The following ETV6 variants were observed in gnomAD, a reference collection of about 807,000 sequenced individuals.
ETV6 encodes ETS variant transcription factor 6, also known as transcription factor ETV6.
In ETV6, 16 loss-of-function variants were observed where a neutral mutation model predicts 51.1. That is an observed-to-expected ratio of 0.31 (90% CI 0.21 to 0.48). The LOEUF (loss-of-function observed/expected upper bound fraction) is 0.48. Among genes scored for constraint, ETV6 ranks in the 20% least tolerant of loss-of-function variants. The pLI is 0.99. For synonymous variants in ETV6, 240 were observed against 224.1 expected (o/e 1.07, Z -0.64); for missense variants, 458 against 594.8 (o/e 0.77, Z 2.39).
intron 3 of ETV6, among the ~76,000 whole-genome samples, chr12:11,847,304 G>A (rs1358195797): frequency 1.3e-5 from 2 of 152,190 alleles, no homozygotes; most frequent in Non-Finnish European, 2.9e-5. Flanking sequence ...TTTGTGTTAG[G>A]CACATCAAAT....
intron 1 of ETV6, among the ~76,000 whole-genome samples, chr12:11,650,540 C>T (rs1289375804): frequency 7.8e-6 from 1 of 128,908 alleles, no homozygotes; most frequent in Non-Finnish European, 1.6e-5. Flanking sequence ...CTACACCCAA[C>T]ATGTGACTGA....
At chr12:11,870,206 C>T (rs1008490376) in intron 5 of ETV6, among the ~76,000 whole-genome samples, 9 of 152,080 alleles carry the variant, frequency 5.9e-5, no homozygotes, top group Non-Finnish European at 8.8e-5. Context: ...AAATGTCCTA[C>T]GTCCAGCTTA....
At chr12:11,818,145 A>G in intron 2 of ETV6, among the ~76,000 whole-genome samples, 1 of 152,140 alleles carries the variant, frequency 6.6e-6, no homozygotes, top group East Asian at 1.9e-4. Flanking sequence ...GCCAGGTGAT[A>G]AGGAAGTTGA....
intron 1 of ETV6, among the ~76,000 whole-genome samples, chr12:11,715,028 G>A (rs1865249303): frequency 6.6e-6 from 1 of 152,114 alleles, no homozygotes; most frequent in Non-Finnish European, 1.5e-5. Flanking sequence ...GCCGTGGCAG[G>A]GGCAATAGGA....
chr12:11,766,363 G>T (rs1030428566), intron 2 of ETV6, among the ~76,000 whole-genome samples: 4 of 152,178 alleles, frequency 2.6e-5, no homozygotes, highest in Non-Finnish European at 2.9e-5. Flanking sequence ...ACAAATTAAA[G>T]ACATACCAGC....
intron 2 of ETV6, 129 bp downstream of exon 2, chr12:11,752,708 G>A: frequency 7.9e-7 from 1 of 1,267,184 alleles, no homozygotes; most frequent in Non-Finnish European, 1.1e-6. Flanking sequence ...CGCTGCTTTG[G>A]AATCTTTCAC....
chr12:11,891,263 A>AGCCT lies in ETV6; in HGVS notation c.*219_*222dup, dbSNP rs1437958617. The stretch of plus-strand genomic sequence containing the variant: ...GGCTGGAATTCTGGCGGAGGGCATG[A>AGCCT]GCCTGGGACTCCATGTCACGTTTCC... On this transcript the variant is annotated 3_prime_UTR_variant, in exon 8 of 8. Transcript: ENST00000396373. 2 of 488,556 alleles carry AGCCT rather than the reference A, an allele frequency of 4.1e-6. No individual in the cohort carries two copies. The highest frequency in any genetic ancestry group is 7.3e-6 in the Non-Finnish European group (2 of 273,112). The allele number at this position is 488,556 out of a possible 1,614,324, so 30.3% of individuals were successfully genotyped here. A position where few individuals can be genotyped will look rare whatever the true frequency, so the allele number is the denominator to read the frequency against.
At chr12:11,784,780 C>T (rs1156717729) in intron 2 of ETV6, among the ~76,000 whole-genome samples, 1 of 151,632 alleles carries the variant, frequency 6.6e-6, no homozygotes, top group East Asian at 1.9e-4. Context: ...CTCACTGCAG[C>T]CGCAAACTCT....
chr12:11,831,856 C>G (rs1486977113), intron 2 of ETV6, among the ~76,000 whole-genome samples: 1 of 152,178 alleles, frequency 6.6e-6, no homozygotes, highest in African/African-American at 2.4e-5. Flanking sequence ...CATCTTTGTG[C>G]ATGAAAGATT....
chr12:11,743,835 G>A (rs909560087), intron 1 of ETV6, among the ~76,000 whole-genome samples: 1 of 151,928 alleles, frequency 6.6e-6, no homozygotes, highest in African/African-American at 2.4e-5. Flanking sequence ...GGATATAGCC[G>A]TTAAAGAAGG....
intron 2 of ETV6, among the ~76,000 whole-genome samples, chr12:11,820,588 G>A (rs1200305608): frequency 6.6e-6 from 1 of 152,182 alleles, no homozygotes; most frequent in East Asian, 1.9e-4. Context: ...GGAACAGCAA[G>A]TCCAAAGGCC....
intron 7 of ETV6, 51 bp from the exon 8 acceptor site, chr12:11,890,890 A>G (rs1266149349): frequency 7.2e-7 from 1 of 1,394,748 alleles, no homozygotes; most frequent in African/African-American, 1.4e-5. Flanking sequence ...CAGAGTGAAG[A>G]CAGCTTTAGG....
At chr12:11,796,575 C>G (rs1945679341) in intron 2 of ETV6, among the ~76,000 whole-genome samples, 2 of 152,116 alleles carry the variant, frequency 1.3e-5, no homozygotes, top group African/African-American at 4.8e-5. Flanking sequence ...AAGACACTGG[C>G]CATCCTAAAG....
At chr12:11,733,468 C>T (rs146642235) in intron 1 of ETV6, among the ~76,000 whole-genome samples, 7 of 151,998 alleles carry the variant, frequency 4.6e-5, no homozygotes, top group South Asian at 2.1e-4. Flanking sequence ...TTCAAGCCCC[C>T]GCACCGTGTT....
chr12:11,846,858 GTTTGTTTGTT>G lies in ETV6; in HGVS notation c.329-6556_329-6547del, dbSNP rs1026500715. On this transcript the variant is annotated intron_variant, in intron 3 of 7. Coordinates refer to ENST00000396373, the MANE Select transcript of ETV6 (RefSeq NM_001987.5). ...AAGTAGAAGCCATTTGTTTTTTGTT[GTTTGTTTGTT>G]TTTGTTTGTTTTGTTTTGTTTTGAG... 1.2e-4 allele frequency among the ~76,000 whole-genome samples: 19 copies of G among 152,104 alleles called. No homozygotes were observed. In the South Asian group the frequency reaches 3.7e-3, roughly 30 times the overall value.
intron 1 of ETV6, among the ~76,000 whole-genome samples, chr12:11,666,604 T>C (rs1385467992): frequency 2.0e-5 from 3 of 152,236 alleles, no homozygotes; most frequent in South Asian, 4.1e-4. Flanking sequence ...CTTTCAGATA[T>C]AAGCAGACCA....
chr12:11,707,146 G>T (rs1008916419), intron 1 of ETV6, among the ~76,000 whole-genome samples: 5 of 152,142 alleles, frequency 3.3e-5, no homozygotes, highest in Admixed American at 1.3e-4. Flanking sequence ...AAACAAGAGC[G>T]CTCAATTGCA....
chr12:11,771,482 C>T lies in ETV6; in HGVS notation c.163+18903C>T, dbSNP rs1163073019. ...TGGTGGGAGTGGGGGTAGAGAAACC[C>T]TTCTGGGAGTCAGAATGAGATACTT... On this transcript the variant is annotated intron_variant, in intron 2 of 7. Coordinates refer to ENST00000396373, the MANE Select transcript of ETV6 (RefSeq NM_001987.5). Among the ~76,000 whole-genome samples the T allele has an allele frequency of 2.0e-5, 3 of 152,130 alleles. No individual in the cohort carries two copies. In the East Asian group the frequency reaches 5.8e-4, roughly 29 times the overall value.
At chr12:11,732,008 A>C (rs900629799) in intron 1 of ETV6, among the ~76,000 whole-genome samples, 2 of 152,190 alleles carry the variant, frequency 1.3e-5, no homozygotes, top group African/African-American at 4.8e-5. Flanking sequence ...TGGGTCACCC[A>C]AGAAGGCGAC....
Sources: allele counts gnomAD v4.1 joint callset (sites outside exome capture counted in the v4.1 genomes callset), GRCh38; gene constraint gnomAD v4.1.1; transcripts MANE v1.5; gene names NCBI Gene and HGNC (gene_info 2026-07-23, HGNC 2026-07-21).